The following UMAD1 variants were observed in gnomAD, a reference collection of about 807,000 sequenced individuals.
The protein encoded by UMAD1 is UBAP1-MVB12-associated (UMA)-domain containing protein 1.
UMAD1 carries 8 observed loss-of-function variants against 6.1 expected under a neutral mutation model. The ratio of observed to expected loss-of-function variants is 1.30; its 90% confidence interval spans 0.76 to 2.35. The LOEUF is 2.35. UMAD1 is among the 30% of genes most tolerant of loss of function. The pLI is 0.00. For missense variants in UMAD1, 130 were observed against 78.4 expected (o/e 1.66, Z -2.49); for synonymous variants, 56 against 31.4 (o/e 1.78, Z -2.61).
chr7:7,804,620 C>T (rs1434246764), intron 3 of UMAD1, among the ~76,000 whole-genome samples: 2 of 151,998 alleles, frequency 1.3e-5, no homozygotes, highest in Non-Finnish European at 2.9e-5. Context: ...TTGCAGTGAG[C>T]CAAGATTGTG....
chr7:7,735,534 C>T (rs12154244), intron 2 of UMAD1, among the ~76,000 whole-genome samples: 2 of 151,728 alleles, frequency 1.3e-5, no homozygotes, highest in East Asian at 1.9e-4. Context: ...CTCAGCCTCC[C>T]GAGTAGCTGG....
intron 1 of UMAD1, among the ~76,000 whole-genome samples, chr7:7,650,958 A>T (rs1251522525): frequency 1.3e-5 from 2 of 152,190 alleles, no homozygotes; most frequent in East Asian, 3.8e-4. Context: ...GTACTCAGGA[A>T]CCAGCAGAAT....
At chr7:7,784,464 T>G (rs1782419345) in intron 2 of UMAD1, among the ~76,000 whole-genome samples, 1 of 150,950 alleles carries the variant, frequency 6.6e-6, no homozygotes. Context: ...GCCTCCCGAG[T>G]AGCTGGGGCT....
At chr7:7,809,882 A>G (rs894321257) in intron 3 of UMAD1, among the ~76,000 whole-genome samples, 2 of 152,080 alleles carry the variant, frequency 1.3e-5, no homozygotes, top group African/African-American at 4.8e-5. Flanking sequence ...TATTTCAGAT[A>G]GTTATTGAAA....
In UMAD1 at chr7:7,714,733, G is replaced by C. The variant is rs558492917; in HGVS notation, c.82+41280G>C. ...AAAGGCCTCAGCTGAAAACCTTCCT[G>C]GGGGAAGGTTAAAGCAAGTAACAGG... On this transcript the variant is annotated intron_variant, in intron 2 of 3. Coordinates refer to ENST00000682710, the MANE Select transcript of UMAD1 (RefSeq NM_001302348.2). 1.9e-3 allele frequency among the ~76,000 whole-genome samples: 290 copies of C among 152,244 alleles called. 3 individuals are homozygous for C. Among genetic ancestry groups the C allele is most frequent in the African/African-American group, 6.8e-3 (282 of 41,542 alleles).
At chr7:7,821,359 A>G (rs1308029670) in intron 3 of UMAD1, among the ~76,000 whole-genome samples, 2 of 152,236 alleles carry the variant, frequency 1.3e-5, no homozygotes, top group Non-Finnish European at 2.9e-5. Flanking sequence ...TATTAGTTAC[A>G]TGTTGCCATG....
chr7:7,748,281 T>G (rs557605167), intron 2 of UMAD1, among the ~76,000 whole-genome samples: 1 of 152,192 alleles, frequency 6.6e-6, no homozygotes, highest in Admixed American at 6.5e-5. Context: ...GTTTTATTAT[T>G]TACTTTTTGT....
At chr7:7,873,321 G>A (rs916791511) in intron 3 of UMAD1, among the ~76,000 whole-genome samples, 1 of 152,156 alleles carries the variant, frequency 6.6e-6, no homozygotes, top group African/African-American at 2.4e-5. Flanking sequence ...GAATCTTGAG[G>A]TTTTATGGTG....
chr7:7,805,595 G>C (rs1042718256), intron 3 of UMAD1, among the ~76,000 whole-genome samples: 5 of 152,102 alleles, frequency 3.3e-5, no homozygotes, highest in Non-Finnish European at 7.3e-5. Flanking sequence ...TCTATCTACT[G>C]TAACTAGAAT....
In UMAD1 at chr7:7,683,948, A is replaced by T. The variant is rs554544644; in HGVS notation, c.82+10495A>T. On this transcript the variant is annotated intron_variant, in intron 2 of 3. Transcript: ENST00000682710. ...AAAATTCATTTTCTATGAGTAATATACAGTTTTCCCTTGGTATCTGTGGGA... is the reference window on the plus strand; with the variant it reads ...AAAATTCATTTTCTATGAGTAATATTCAGTTTTCCCTTGGTATCTGTGGGA... Among the ~76,000 whole-genome samples the T allele has an allele frequency of 1.5e-3, 229 of 152,306 alleles. 6 individuals are homozygous for T. The highest frequency in any genetic ancestry group is 0.012 in the Admixed American group (177 of 15,302).
Position 7,877,768 on chromosome 7 carries a change from T to C in UMAD1, c.*230T>C. ...CATATAATAAATATACAAATTAGGC[T>C]ATGAAGGTTTTAGGAAAGGACTCGA... On this transcript the variant is annotated 3_prime_UTR_variant, in exon 4 of 4. Transcript: ENST00000682710. 1 of 485,104 alleles carries C rather than the reference T, an allele frequency of 2.1e-6. No homozygotes were observed. The highest frequency in any genetic ancestry group is 3.7e-6 in the Non-Finnish European group (1 of 273,124). The allele number at this position is 485,104 out of a possible 1,614,324, so 30.0% of individuals were successfully genotyped here. A position where few individuals can be genotyped will look rare whatever the true frequency, so the allele number is the denominator to read the frequency against.
chr7:7,684,784 G>A (rs183468152), intron 2 of UMAD1, among the ~76,000 whole-genome samples: 1 of 152,200 alleles, frequency 6.6e-6, no homozygotes, highest in African/African-American at 2.4e-5. Flanking sequence ...ACCAACATCT[G>A]AGGTACCTTT....
intron 2 of UMAD1, among the ~76,000 whole-genome samples, chr7:7,781,186 C>CTTTA (rs1782336721): frequency 6.6e-6 from 1 of 152,170 alleles, no homozygotes; most frequent in Non-Finnish European, 1.5e-5. Flanking sequence ...ACTGGATGAA[C>CTTTA]TAAATTCTTT....
chr7:7,804,383 A>C (rs930317224), intron 3 of UMAD1, among the ~76,000 whole-genome samples: 1 of 152,260 alleles, frequency 6.6e-6, no homozygotes, highest in African/African-American at 2.4e-5. Flanking sequence ...TTTAAAATAC[A>C]AAAATGAGAC....
chr7:7,705,983 A>G (rs1780589768), intron 2 of UMAD1, among the ~76,000 whole-genome samples: 1 of 152,166 alleles, frequency 6.6e-6, no homozygotes, highest in Non-Finnish European at 1.5e-5. Context: ...TTAAAAAGGT[A>G]TGTGTACTCT....
intron 3 of UMAD1, among the ~76,000 whole-genome samples, chr7:7,802,970 G>A (rs189645464): frequency 6.6e-6 from 1 of 152,250 alleles, no homozygotes; most frequent in Non-Finnish European, 1.5e-5. Context: ...ATGTGATATA[G>A]GAAGTAAATT....
chr7:7,810,936 C>T (rs990375506), intron 3 of UMAD1, among the ~76,000 whole-genome samples: 3 of 152,180 alleles, frequency 2.0e-5, no homozygotes, highest in African/African-American at 7.2e-5. Context: ...TGTCCCCTGA[C>T]ACCCAGGGAC....
intron 2 of UMAD1, among the ~76,000 whole-genome samples, chr7:7,777,130 A>C (rs928836611): frequency 3.3e-5 from 5 of 152,142 alleles, no homozygotes; most frequent in Non-Finnish European, 7.3e-5. Flanking sequence ...GACAGTTAGT[A>C]TTGTATTATA....
At chr7:7,757,546 T>C (rs994646579) in intron 2 of UMAD1, among the ~76,000 whole-genome samples, 1 of 152,218 alleles carries the variant, frequency 6.6e-6, no homozygotes, top group African/African-American at 2.4e-5. Flanking sequence ...TAAACATGCT[T>C]TGGAGCCAGA....
Sources: allele counts gnomAD v4.1 joint callset (sites outside exome capture counted in the v4.1 genomes callset), GRCh38; gene constraint gnomAD v4.1.1; transcripts MANE v1.5; gene names NCBI Gene and HGNC (gene_info 2026-07-23, HGNC 2026-07-21).